Variants in CFAP47 observed in about 807,000 individuals in gnomAD.
CFAP47 encodes cilia- and flagella-associated protein 47.
In CFAP47, 29 loss-of-function variants were observed where a neutral mutation model predicts 148.1. The observed-to-expected ratio is 0.20, with a 90% CI of 0.15 to 0.27. The LOEUF is 0.27. Among genes scored for constraint, CFAP47 ranks in the 10% least tolerant of loss-of-function variants. CFAP47 has a pLI of 1.00. For missense variants in CFAP47, 1,872 were observed against 1,697.5 expected, an observed-to-expected ratio of 1.10 and a Z score of -1.81; for synonymous variants, 664 against 577.3, an observed-to-expected ratio of 1.15 and a Z score of -2.15.
At chrX:36,119,893 C>T (rs978812180) in intron 33 of CFAP47, among the ~76,000 whole-genome samples, 1 of 111,229 alleles carries the variant, frequency 9.0e-6, no homozygotes, top group Non-Finnish European at 1.9e-5. Flanking sequence ...GTTGTGGTAT[C>T]AGTTGTAATG....
chrX:35,978,729 T>C (rs1936602491), intron 15 of CFAP47, among the ~76,000 whole-genome samples: 1 of 112,114 alleles, frequency 8.9e-6, no homozygotes, highest in African/African-American at 3.2e-5. Context: ...CAATTTCATA[T>C]TGTTTTTACC....
intron 49 of CFAP47, among the ~76,000 whole-genome samples, chrX:36,278,193 G>C (rs905735261): frequency 9.8e-5 from 11 of 112,191 alleles, no homozygotes; most frequent in African/African-American, 3.6e-4. Flanking sequence ...CCTGCCCACA[G>C]AGGTGGAGTC....
At chrX:35,963,425 A>G (rs1046645638) in intron 8 of CFAP47, among the ~76,000 whole-genome samples, 1 of 111,005 alleles carries the variant, frequency 9.0e-6, no homozygotes, top group African/African-American at 3.3e-5. Context: ...GTTGTACCTT[A>G]ATAGAGCTGG....
intron 23 of CFAP47, among the ~76,000 whole-genome samples, chrX:36,033,298 G>T (rs1322553707): frequency 9.0e-6 from 1 of 111,354 alleles, no homozygotes; most frequent in Non-Finnish European, 1.9e-5. Flanking sequence ...GAATTTGGTG[G>T]GACAACTGCT....
chrX:36,211,066 G>A (rs1555989420), intron 45 of CFAP47: 1 of 182,400 alleles, frequency 5.5e-6, no homozygotes, highest in African/African-American at 3.1e-5. Context: ...GTGAGAGCCA[G>A]AAGGGCACTG....
At chrX:36,247,349 TCCATAACCTAAA>T (rs1478247497) in intron 48 of CFAP47, among the ~76,000 whole-genome samples, 10 of 110,990 alleles carry the variant, frequency 9.0e-5, no homozygotes, top group Non-Finnish European at 1.7e-4. Context: ...AGTGACAAGA[TCCATAACCTAAA>T]CCTCAGCATC....
At chrX:36,149,408 C>T (rs1361864200) in intron 37 of CFAP47, among the ~76,000 whole-genome samples, 185 bp downstream of exon 37, 1 of 110,361 alleles carries the variant, frequency 9.1e-6, no homozygotes, top group East Asian at 2.8e-4. Context: ...ACAATTCTAA[C>T]AACATAAAAC....
chrX:36,101,976 G>A (rs1267692632), intron 32 of CFAP47, among the ~76,000 whole-genome samples: 1 of 111,588 alleles, frequency 9.0e-6, no homozygotes, highest in African/African-American at 3.3e-5. Context: ...CTCAATATAT[G>A]TAAATGTATA....
At chrX:36,359,238 G>T (rs1221920745) in intron 60 of CFAP47, among the ~76,000 whole-genome samples, 1 of 111,639 alleles carries the variant, frequency 9.0e-6, no homozygotes, top group Non-Finnish European at 1.9e-5. Context: ...TTTCCCCGAG[G>T]TAAAAATTTA....
chrX:36,004,100 G>A, intron 21 of CFAP47, among the ~76,000 whole-genome samples: 1 of 106,601 alleles, frequency 9.4e-6, no homozygotes, highest in African/African-American at 3.5e-5. Context: ...AGCTTCCCGA[G>A]TAGCTGGGAG....
Position 35,951,353 on chromosome X carries a change from A to T in CFAP47, c.879A>T (p.Glu293Asp). Residue 293 changes from glutamate (E) to aspartate (D), a missense_variant, in exon 5 of 64, where the codon GAA becomes GAT. Coordinates refer to ENST00000378653, the MANE Select transcript of CFAP47 (RefSeq NM_001304548.2). Reference protein sequence around the residue: ...VAIIQDDAVGEELGTDIQQRT... With the variant: ...VAIIQDDAVGDELGTDIQQRT... ...TCATACAAGATGATGCCGTGGGAGA[A>T]GAATTGGTAAGTAAGTGGTGCGACA... is the stretch of plus-strand genomic sequence containing the variant. 8.7e-7 allele frequency: 1 copy of T among 1,153,275 alleles called. No individual in the cohort carries two copies. The highest frequency in any genetic ancestry group is 1.2e-6 in the Non-Finnish European group (1 of 843,610).
intron 30 of CFAP47, among the ~76,000 whole-genome samples, chrX:36,089,230 G>A (rs1041885100): frequency 9.1e-6 from 1 of 109,891 alleles, no homozygotes; most frequent in Non-Finnish European, 1.9e-5. Flanking sequence ...TTAGCTGAGC[G>A]CTGTGGTGGG....
chrX:35,928,684 A>G (rs1935781938), intron 2 of CFAP47, among the ~76,000 whole-genome samples: 1 of 110,682 alleles, frequency 9.0e-6, no homozygotes, highest in Non-Finnish European at 1.9e-5. Context: ...CAATTTATCA[A>G]TTTTCCTTTA....
At chrX:36,340,209 A>G (rs1478037410) in intron 57 of CFAP47, among the ~76,000 whole-genome samples, 3 of 111,816 alleles carry the variant, frequency 2.7e-5, no homozygotes, top group African/African-American at 9.8e-5. Context: ...ATTCATCCCT[A>G]GCTTTTCCAT....
At chrX:36,231,292 C>A (rs1305567632) in intron 46 of CFAP47, among the ~76,000 whole-genome samples, 4 of 106,020 alleles carry the variant, frequency 3.8e-5, no homozygotes, top group South Asian at 4.4e-4. Context: ...TTTCCTTGAG[C>A]AGTGGTTTGT....
At chrX:36,227,958 G>A (rs781868825) in intron 45 of CFAP47, among the ~76,000 whole-genome samples, 2 of 111,919 alleles carry the variant, frequency 1.8e-5, no homozygotes, top group Non-Finnish European at 3.8e-5. Context: ...TCAACCTAGC[G>A]TAAGAAGTAA....
intron 63 of CFAP47, among the ~76,000 whole-genome samples, chrX:36,380,963 G>A (rs1333497528): frequency 8.9e-6 from 1 of 112,085 alleles, no homozygotes; most frequent in African/African-American, 3.2e-5. Flanking sequence ...AAGATTTTAT[G>A]TGAGGGAACA....
chrX:36,178,147 T>C (rs1056533563), intron 39 of CFAP47, among the ~76,000 whole-genome samples: 1 of 110,852 alleles, frequency 9.0e-6, no homozygotes, highest in Admixed American at 9.6e-5. Flanking sequence ...CACATGGACA[T>C]AAAGATGGGA....
chrX:36,255,351 G>A (rs1203992518), intron 49 of CFAP47, among the ~76,000 whole-genome samples: 1 of 112,489 alleles, frequency 8.9e-6, no homozygotes, highest in African/African-American at 3.2e-5. Context: ...AAGAAAGTAT[G>A]TTTAGCAGAG....
Sources: gnomAD v4.1 joint callset for allele counts (sites outside exome capture counted in the v4.1 genomes callset) on GRCh38, gnomAD v4.1.1 for gene constraint, MANE v1.5 for transcripts, NCBI Gene and HGNC (gene_info 2026-07-23, HGNC 2026-07-21) for gene names.